The following RBFOX1 variants were observed in gnomAD, a reference collection of about 807,000 sequenced individuals.
RBFOX1 encodes RNA binding fox-1 homolog 1, also known as RNA binding protein fox-1 homolog 1.
Under a neutral mutation model 57.7 loss-of-function variants are expected in RBFOX1, and 8 were observed. The ratio of observed to expected loss-of-function variants is 0.14; its 90% CI spans 0.08 to 0.25. RBFOX1 has a LOEUF of 0.25. Among genes scored for constraint, RBFOX1 ranks in the 10% least tolerant of loss-of-function variants. RBFOX1 has a pLI of 1.00. For missense variants in RBFOX1, 611 were observed against 548.5 expected, an observed-to-expected ratio of 1.11 and a Z score of -1.14; for synonymous variants, 326 against 222.4, an observed-to-expected ratio of 1.47 and a Z score of -4.15.
chr16:7,055,837 T>A (rs991235516), intron 4 of RBFOX1, among the ~76,000 whole-genome samples: 1 of 152,198 alleles, frequency 6.6e-6, no homozygotes, highest in Non-Finnish European at 1.5e-5. Flanking sequence ...CCACTCTGTT[T>A]GTCAGGGTGC....
At chr16:6,120,326 A>G (rs1001780547) in intron 1 of RBFOX1, among the ~76,000 whole-genome samples, 4 of 152,216 alleles carry the variant, frequency 2.6e-5, no homozygotes, top group African/African-American at 7.2e-5. Flanking sequence ...CAGTAGCTCT[A>G]TGTTCAACTT....
At chr16:6,538,165 G>C (rs1490464199) in intron 2 of RBFOX1, among the ~76,000 whole-genome samples, 2 of 152,118 alleles carry the variant, frequency 1.3e-5, no homozygotes, top group Admixed American at 1.3e-4. Flanking sequence ...ATAAGCATGT[G>C]GAAATATGCT....
intron 3 of RBFOX1, among the ~76,000 whole-genome samples, chr16:6,690,193 T>C (rs1355339580): frequency 1.3e-5 from 2 of 152,178 alleles, no homozygotes; most frequent in Non-Finnish European, 1.5e-5. Flanking sequence ...AGTTAAAACA[T>C]AGGCTAATTC....
chr16:6,913,604 C>T (rs146402251), intron 3 of RBFOX1, among the ~76,000 whole-genome samples: 8 of 152,274 alleles, frequency 5.3e-5, no homozygotes, highest in African/African-American at 9.6e-5. Context: ...CCAAGCTTTT[C>T]CCAGAGCAAC....
intron 4 of RBFOX1, among the ~76,000 whole-genome samples, chr16:7,487,890 G>A (rs8048595): frequency 0.89 from 135,609 of 152,114 alleles, 62,508 homozygotes; most frequent in East Asian, 1. Flanking sequence ...CAATTCCAAG[G>A]AAAAGCAAAT....
At chr16:6,872,885 T>C (rs2153275480) in intron 3 of RBFOX1, among the ~76,000 whole-genome samples, 1 of 152,262 alleles carries the variant, frequency 6.6e-6, no homozygotes. Flanking sequence ...TCCATAAAAA[T>C]TGTGCTATTA....
intron 1 of RBFOX1, among the ~76,000 whole-genome samples, chr16:5,324,666 T>C (rs1376319370): frequency 1.3e-5 from 2 of 152,118 alleles, no homozygotes; most frequent in Admixed American, 1.3e-4. Context: ...GGAACATAGA[T>C]GGAGCTAGAG....
intron 3 of RBFOX1, among the ~76,000 whole-genome samples, chr16:6,971,100 T>C (rs1197305297): frequency 6.6e-6 from 1 of 152,214 alleles, no homozygotes; most frequent in Admixed American, 6.5e-5. Flanking sequence ...GGATGGTAGT[T>C]ATAATCTAGC....
chr16:5,805,510 G>C (rs2055197053), intron 3 of RBFOX1, among the ~76,000 whole-genome samples: 1 of 152,188 alleles, frequency 6.6e-6, no homozygotes. Flanking sequence ...ATGTGGGTTG[G>C]TGGCCCTGCC....
chr16:5,401,304 C>T (rs1266216973), intron 1 of RBFOX1, among the ~76,000 whole-genome samples: 2 of 152,106 alleles, frequency 1.3e-5, no homozygotes, highest in African/African-American at 4.8e-5. Flanking sequence ...TTCCTAGAAA[C>T]CGTTTTGTCA....
At chr16:5,248,339 C>G (rs2062355960) in intron 1 of RBFOX1, among the ~76,000 whole-genome samples, 1 of 152,248 alleles carries the variant, frequency 6.6e-6, no homozygotes, top group African/African-American at 2.4e-5. Context: ...GAGCCACATG[C>G]AGCTTCCTGC....
intron 1 of RBFOX1, among the ~76,000 whole-genome samples, chr16:5,384,167 C>T (rs996187850): frequency 3.9e-5 from 6 of 152,124 alleles, no homozygotes; most frequent in Non-Finnish European, 7.3e-5. Context: ...ATTCCTGCAG[C>T]CAAGGGTGGT....
intron 3 of RBFOX1, among the ~76,000 whole-genome samples, chr16:6,949,113 C>G (rs1488886538): frequency 6.6e-6 from 1 of 152,150 alleles, no homozygotes; most frequent in African/African-American, 2.4e-5. Context: ...TAATTATTGA[C>G]TTTTTTTAAA....
intron 2 of RBFOX1, among the ~76,000 whole-genome samples, chr16:6,631,412 T>C (rs989873780): frequency 1.3e-5 from 2 of 152,172 alleles, no homozygotes; most frequent in Admixed American, 1.3e-4. Flanking sequence ...AAACATATTT[T>C]TTTTTTTGTA....
At chr16:7,172,396 T>G (rs750110609) in intron 4 of RBFOX1, among the ~76,000 whole-genome samples, 7 of 152,178 alleles carry the variant, frequency 4.6e-5, no homozygotes, top group Non-Finnish European at 8.8e-5. Context: ...GTGTTTATAG[T>G]GTGAAACACA....
intron 1 of RBFOX1, among the ~76,000 whole-genome samples, chr16:6,189,065 A>C (rs1156507229): frequency 6.6e-6 from 1 of 152,194 alleles, no homozygotes; most frequent in Non-Finnish European, 1.5e-5. Flanking sequence ...TCCATGTTTT[A>C]TGTGGTTTCA....
intron 2 of RBFOX1, among the ~76,000 whole-genome samples, chr16:6,541,203 C>T (rs968239066): frequency 1.3e-5 from 2 of 152,160 alleles, no homozygotes; most frequent in Non-Finnish European, 2.9e-5. Flanking sequence ...GCTCTAGGTC[C>T]TCCTGTCTTA....
At chr16:6,227,115 C>A (rs770445273) in intron 1 of RBFOX1, among the ~76,000 whole-genome samples, 3 of 151,710 alleles carry the variant, frequency 2.0e-5, no homozygotes, top group Non-Finnish European at 4.4e-5. Context: ...CAGGGCGAGA[C>A]TCTGTCTCAA....
intron 4 of RBFOX1, among the ~76,000 whole-genome samples, chr16:7,462,475 A>C (rs966777643): frequency 1.1e-4 from 16 of 152,244 alleles, no homozygotes; most frequent in Admixed American, 6.5e-5. Flanking sequence ...TGGGCAACAC[A>C]GCAAAACTCT....
Sources: allele counts gnomAD v4.1 joint callset (sites outside exome capture counted in the v4.1 genomes callset), GRCh38; gene constraint gnomAD v4.1.1; transcripts MANE v1.5; gene names NCBI Gene and HGNC (gene_info 2026-07-23, HGNC 2026-07-21).